PARM1: variants seen among roughly 807,000 people sequenced by gnomAD.
The protein encoded by PARM1 is prostate androgen-regulated mucin-like protein 1.
Under a neutral mutation model 24.6 loss-of-function variants are expected in PARM1, and 14 were observed. That is an observed-to-expected ratio of 0.57 (90% CI 0.38 to 0.89). The LOEUF (loss-of-function observed/expected upper bound fraction) is 0.89, where lower values mean the gene tolerates loss of function less well. Ranked by LOEUF, PARM1 falls within the 40% of genes least tolerant of loss-of-function variation. The pLI, the probability that PARM1 is intolerant of heterozygous loss-of-function variation, is 0.00. For synonymous variants in PARM1, 179 were observed against 156.6 expected, an observed-to-expected ratio of 1.14 and a Z score of -1.07; for missense variants, 362 against 380.4, an observed-to-expected ratio of 0.95 and a Z score of 0.40.
chr4:75,038,051 G>T (rs1462206077), intron 3 of PARM1, among the ~76,000 whole-genome samples: 1 of 152,062 alleles, frequency 6.6e-6, no homozygotes, highest in Non-Finnish European at 1.5e-5. Context: ...TGAGTAGCTG[G>T]GACTACAGGC....
chr4:75,018,853 C>T (rs1723036015), intron 2 of PARM1, among the ~76,000 whole-genome samples: 1 of 152,174 alleles, frequency 6.6e-6, no homozygotes, highest in Admixed American at 6.5e-5. Flanking sequence ...GATTGAAATC[C>T]AGTTCCCCTG....
chr4:74,960,866 T>G (rs1406488278), intron 1 of PARM1, among the ~76,000 whole-genome samples: 4 of 147,838 alleles, frequency 2.7e-5, no homozygotes, highest in African/African-American at 5.1e-5. Flanking sequence ...AAAAAAAAAA[T>G]TAGCGGGGTG....
chr4:74,982,595 A>G lies in PARM1; in HGVS notation c.44-29830A>G, dbSNP rs76222211. 1.4e-3 allele frequency among the ~76,000 whole-genome samples: 208 copies of G among 152,330 alleles called. 2 individuals carry two copies. Among genetic ancestry groups the G allele is most frequent in the Non-Finnish European group, 2.2e-3 (147 of 68,016 alleles). On this transcript the variant is annotated intron_variant, in intron 1 of 3. Transcript: ENST00000307428. ...CCAAAGATCACCACTGTTCTTGAGT[A>G]TATCTTTAAAATGAAGTCAGTGAAT...
At chr4:75,011,355 T>A (rs1337596818) in intron 1 of PARM1, among the ~76,000 whole-genome samples, 1 of 152,150 alleles carries the variant, frequency 6.6e-6, no homozygotes. Flanking sequence ...ATGGATTTGA[T>A]GTGGGATGTG....
intron 1 of PARM1, among the ~76,000 whole-genome samples, chr4:75,010,458 A>G (rs2109792837): frequency 6.6e-6 from 1 of 152,370 alleles, no homozygotes; most frequent in South Asian, 2.1e-4. Context: ...ATGTATATAT[A>G]GTTACTGCCA....
chr4:75,043,200 T>C (rs1470767472), intron 3 of PARM1, among the ~76,000 whole-genome samples: 2 of 152,182 alleles, frequency 1.3e-5, no homozygotes, highest in Admixed American at 6.5e-5. Context: ...TAACTATGCC[T>C]GGGGTATAGT....
At chr4:74,951,787 A>G (rs1391100522) in intron 1 of PARM1, among the ~76,000 whole-genome samples, 2 of 152,192 alleles carry the variant, frequency 1.3e-5, no homozygotes, top group Non-Finnish European at 2.9e-5. Flanking sequence ...TTAAGGCTGC[A>G]TAGTATTCCA....
intron 1 of PARM1, chr4:74,999,296 T>C (rs1238378505): frequency 1.3e-5 from 2 of 152,264 alleles, no homozygotes; most frequent in African/African-American, 4.8e-5. Flanking sequence ...TCATAATTAA[T>C]TAAAACCTTA....
At chr4:75,015,903 A>G (rs1722975928) in intron 2 of PARM1, among the ~76,000 whole-genome samples, 1 of 152,200 alleles carries the variant, frequency 6.6e-6, no homozygotes, top group Non-Finnish European at 1.5e-5. Flanking sequence ...GCTTCAGGTT[A>G]CTATTTTGGG....
chr4:75,002,957 G>T (rs1168513988), intron 1 of PARM1, among the ~76,000 whole-genome samples: 1 of 152,210 alleles, frequency 6.6e-6, no homozygotes, highest in Non-Finnish European at 1.5e-5. Flanking sequence ...GACATGCTTT[G>T]TGTGGGCCTT....
At chr4:75,038,195 G>A (rs930242097) in intron 3 of PARM1, among the ~76,000 whole-genome samples, 8 of 152,218 alleles carry the variant, frequency 5.3e-5, no homozygotes, top group African/African-American at 1.2e-4. Flanking sequence ...GATTACAGGC[G>A]TGGGCCACTG....
intron 3 of PARM1, among the ~76,000 whole-genome samples, chr4:75,040,813 T>A (rs1049323349): frequency 6.6e-6 from 1 of 152,136 alleles, no homozygotes; most frequent in African/African-American, 2.4e-5. Context: ...CACAAAGATA[T>A]ATTGTTTGCT....
At chr4:75,020,920 C>T (rs1376436772) in intron 2 of PARM1, among the ~76,000 whole-genome samples, 1 of 152,224 alleles carries the variant, frequency 6.6e-6, no homozygotes, top group Non-Finnish European at 1.5e-5. Flanking sequence ...GTTGGCCTCC[C>T]AGTTACAACT....
chr4:74,938,844 T>C (rs1415435635), intron 1 of PARM1, among the ~76,000 whole-genome samples: 1 of 152,170 alleles, frequency 6.6e-6, no homozygotes, highest in African/African-American at 2.4e-5. Flanking sequence ...GTAATAGAAG[T>C]CTTTAAAATG....
chr4:75,039,387 A>C (rs574365450), intron 3 of PARM1, among the ~76,000 whole-genome samples: 53 of 152,188 alleles, frequency 3.5e-4, no homozygotes, highest in Non-Finnish European at 6.8e-4. Context: ...AAAAAAAATT[A>C]GCTGGCCCTG....
intron 1 of PARM1, among the ~76,000 whole-genome samples, chr4:74,958,676 A>G (rs1721700257): frequency 6.6e-6 from 1 of 152,196 alleles, no homozygotes; most frequent in Admixed American, 6.5e-5. Flanking sequence ...AGTTAATGGG[A>G]TTAAGCCCTA....
chr4:75,024,190 T>C (rs1263695800), intron 2 of PARM1, among the ~76,000 whole-genome samples: 1 of 150,900 alleles, frequency 6.6e-6, no homozygotes, highest in Admixed American at 6.6e-5. Flanking sequence ...GAGAATGGCG[T>C]GAACCCGGGA....
intron 1 of PARM1, among the ~76,000 whole-genome samples, chr4:74,950,859 A>G (rs1721509069): frequency 6.7e-6 from 1 of 148,178 alleles, no homozygotes; most frequent in East Asian, 2.0e-4. Context: ...TTTTTTTTAC[A>G]TGGAGATGGC....
intron 3 of PARM1, among the ~76,000 whole-genome samples, chr4:75,037,482 G>A (rs955033900): frequency 6.6e-6 from 1 of 152,136 alleles, no homozygotes. Flanking sequence ...TCCTCTAAAG[G>A]CATTGTAAAC....
Sources: gnomAD v4.1 joint callset for allele counts (sites outside exome capture counted in the v4.1 genomes callset) on GRCh38, gnomAD v4.1.1 for gene constraint, MANE v1.5 for transcripts, NCBI Gene and HGNC (gene_info 2026-07-23, HGNC 2026-07-21) for gene names.